The following BARD1 variants were observed in gnomAD, a reference collection of about 807,000 sequenced individuals.
BARD1 encodes the protein BRCA1 associated RING domain 1, also known as BRCA1-associated RING domain protein 1.
BARD1 carries 73 observed loss-of-function variants against 77.0 expected under a neutral mutation model. That is an observed-to-expected ratio of 0.95 (90% confidence interval 0.79 to 1.15). BARD1 has a LOEUF of 1.15. Among genes scored for constraint, BARD1 ranks in the 50% most tolerant of loss-of-function variants. BARD1 has a pLI of 0.00. For missense variants in BARD1, 993 were observed against 938.8 expected (o/e 1.06, Z -0.75); for synonymous variants, 384 against 338.0 (o/e 1.14, Z -1.49).
rs372160908 is a variant in BARD1 at position 214,728,887 on chromosome 2, T to C, written c.2123A>G (p.Lys708Arg). 19 of 1,614,104 alleles carry C rather than the reference T, an allele frequency of 1.2e-5. No homozygotes were observed. Among genetic ancestry groups the C allele is most frequent in the Non-Finnish European group, 1.6e-5 (19 of 1,180,042 alleles). The change falls in exon 11 of 11, where the codon AAG (lysine) becomes AGG (arginine). Residue 708 changes from lysine (K) to arginine (R), a missense_variant. Physicochemically the swap from Lys to Arg is conservative, Grantham distance 26. Coordinates refer to ENST00000260947, the MANE Select transcript of BARD1 (RefSeq NM_000465.4). ...GGGQILSRKP[K>R]PDSDVTQTIN... The stretch of plus-strand genomic sequence containing the variant: ...GGTCTGAGTCACGTCACTGTCTGGC[T>C]TGGGCTTTCTACTGAGGATCTGGCC...
At chr2:214,807,912 G>A (rs1168082474) in intron 1 of BARD1, among the ~76,000 whole-genome samples, 2 of 152,206 alleles carry the variant, frequency 1.3e-5, no homozygotes, top group Non-Finnish European at 2.9e-5. Flanking sequence ...ATTGCAACTA[G>A]CAGTGCCAGT....
At chr2:214,754,636 C>T (rs1693610335) in intron 6 of BARD1, among the ~76,000 whole-genome samples, 1 of 152,116 alleles carries the variant, frequency 6.6e-6, no homozygotes, top group Admixed American at 6.6e-5. Context: ...GATGATTTTA[C>T]AAAGTGACTA....
chr2:214,772,683 C>T (rs1159375595), intron 4 of BARD1, among the ~76,000 whole-genome samples: 3 of 152,112 alleles, frequency 2.0e-5, no homozygotes, highest in Non-Finnish European at 4.4e-5. Flanking sequence ...GATTAGCAAA[C>T]GGCTTGCTTT....
At chr2:214,792,172 A>ACAGATTTTAAAATCTGAAATACGTATTC in intron 3 of BARD1, 125 bp downstream of exon 3, 1 of 942,482 alleles carries the variant, frequency 1.1e-6, no homozygotes, top group Non-Finnish European at 1.5e-6. Context: ...AAAAAAACCT[A>ACAGATTTTAAAATCTGAAATACGTATTC]CAGATTTTAA....
intron 6 of BARD1, among the ~76,000 whole-genome samples, chr2:214,762,954 A>C (rs1202113096): frequency 6.9e-6 from 1 of 144,104 alleles, no homozygotes; most frequent in East Asian, 2.1e-4. Flanking sequence ...TTACTGGACA[A>C]ACCTCTTAAC....
At chr2:214,765,843 A>G (rs1694172399) in intron 6 of BARD1, among the ~76,000 whole-genome samples, 1 of 152,220 alleles carries the variant, frequency 6.6e-6, no homozygotes, top group Admixed American at 6.5e-5. Flanking sequence ...TGAGAGATAA[A>G]AGAGATTAGA....
chr2:214,729,958 C>T (rs1692275872), intron 10 of BARD1, among the ~76,000 whole-genome samples: 1 of 152,022 alleles, frequency 6.6e-6, no homozygotes, highest in African/African-American at 2.4e-5. Context: ...AACATACTTC[C>T]GTATGCTCGT....
intron 6 of BARD1, among the ~76,000 whole-genome samples, chr2:214,757,206 A>C (rs949376921): frequency 3.3e-5 from 5 of 151,962 alleles, no homozygotes; most frequent in African/African-American, 7.2e-5. Flanking sequence ...AAAGGGACTA[A>C]TACATATACT....
At chr2:214,807,791 A>T (rs1276020794) in intron 1 of BARD1, among the ~76,000 whole-genome samples, 1 of 152,242 alleles carries the variant, frequency 6.6e-6, no homozygotes, top group East Asian at 1.9e-4. Context: ...ACCTGAACTC[A>T]GGCATTCTGA....
intron 7 of BARD1, among the ~76,000 whole-genome samples, chr2:214,747,777 A>T (rs954411795): frequency 1.3e-5 from 2 of 151,508 alleles, no homozygotes; most frequent in African/African-American, 4.9e-5. Context: ...TAATGGGTGC[A>T]GCACACCAAC....
Position 214,730,426 on chromosome 2 carries a change from G to A in BARD1, c.1986C>T (p.Leu662=), listed in dbSNP as rs1553612477. The A allele has an allele frequency of 6.2e-7, 1 of 1,613,628 alleles. No individual in the cohort carries two copies. The highest frequency in any genetic ancestry group is 1.1e-5 in the South Asian group (1 of 91,074). The change falls in exon 10 of 11, where the codon CTC becomes CTT. Residue 662 remains leucine (L), a synonymous_variant. Transcript: ENST00000260947. ...AGAAAAATACCAGCTGTTCTCTGTT[G>A]AGCCTGCTTCTGCGTGGACCTTCAG... ...EIPEGPRRSR[L]NREQLLPKLF...
At chr2:214,771,742 T>A (rs912771285) in intron 4 of BARD1, among the ~76,000 whole-genome samples, 4 of 150,562 alleles carry the variant, frequency 2.7e-5, no homozygotes. Flanking sequence ...AAAAAAAAAA[T>A]GCTTTTTATA....
chr2:214,769,361 G>C (rs1694370531), intron 4 of BARD1, 49 bp from the exon 5 acceptor site: 1 of 1,443,180 alleles, frequency 6.9e-7, no homozygotes, highest in Non-Finnish European at 9.7e-7. Flanking sequence ...GGAAAGAAAG[G>C]AAAATATTGA....
intron 9 of BARD1, among the ~76,000 whole-genome samples, chr2:214,737,658 A>G (rs1692625856): frequency 6.6e-6 from 1 of 152,168 alleles, no homozygotes; most frequent in African/African-American, 2.4e-5. Context: ...ATGCTTTAAA[A>G]TAAACTTTCA....
At chr2:214,780,420 G>A in intron 4 of BARD1, 140 bp downstream of exon 4, 1 of 756,756 alleles carries the variant, frequency 1.3e-6, no homozygotes, top group Non-Finnish European at 2.2e-6. Flanking sequence ...TATGAATCTG[G>A]CTTCTCTGGT....
At chr2:214,770,138 G>C (rs537886540) in intron 4 of BARD1, among the ~76,000 whole-genome samples, 119 of 152,128 alleles carry the variant, frequency 7.8e-4, no homozygotes, top group Non-Finnish European at 1.6e-3. Context: ...AGCAACAGTT[G>C]CTCTGTTTAA....
At chr2:214,795,476 A>G (rs1695718199) in intron 2 of BARD1, among the ~76,000 whole-genome samples, 1 of 152,114 alleles carries the variant, frequency 6.6e-6, no homozygotes, top group Non-Finnish European at 1.5e-5. Context: ...GGAACCCACT[A>G]AAGAGTTTAA....
At chr2:214,809,208 G>A (rs986719214) in intron 1 of BARD1, among the ~76,000 whole-genome samples, 3 of 152,228 alleles carry the variant, frequency 2.0e-5, no homozygotes, top group African/African-American at 7.2e-5. Flanking sequence ...AGGGCAAGGG[G>A]AGGCCGGTAA....
intron 1 of BARD1, among the ~76,000 whole-genome samples, chr2:214,799,908 G>A (rs1158763440): frequency 4.6e-5 from 7 of 152,134 alleles, no homozygotes. Flanking sequence ...ACCACTCTGG[G>A]AAACAGCACT....
Sources: gnomAD v4.1 joint callset for allele counts (sites outside exome capture counted in the v4.1 genomes callset) on GRCh38, gnomAD v4.1.1 for gene constraint, MANE v1.5 for transcripts, NCBI Gene and HGNC (gene_info 2026-07-23, HGNC 2026-07-21) for gene names.